The following SLIT3 variants were observed in gnomAD, a reference collection of about 807,000 sequenced individuals.
The protein encoded by SLIT3 is slit guidance ligand 3.
A neutral mutation model predicts 184.0 loss-of-function variants in SLIT3; 68 were observed. The observed-to-expected ratio is 0.37, with a 90% CI of 0.30 to 0.45. SLIT3 has a LOEUF of 0.45. SLIT3 is among the 20% of genes least tolerant of loss of function. The pLI, the probability that SLIT3 is intolerant of heterozygous loss-of-function variation, is 1.00. For missense variants in SLIT3, 1,707 were observed against 2,026.0 expected (o/e 0.84, Z 3.02); for synonymous variants, 831 against 828.6 (o/e 1.00, Z -0.05).
At chr5:168,809,448 C>T (rs921020521) in intron 8 of SLIT3, among the ~76,000 whole-genome samples, 1 of 152,270 alleles carries the variant, frequency 6.6e-6, no homozygotes, top group African/African-American at 2.4e-5. Context: ...ATGGTGAGGA[C>T]GTTACCTTCC....
At chr5:168,806,397 C>T (rs1258862927) in intron 9 of SLIT3, 49 bp downstream of exon 9, 2 of 1,608,910 alleles carry the variant, frequency 1.2e-6, no homozygotes, top group Non-Finnish European at 1.7e-6. Context: ...GGACAGGGAG[C>T]TGAATTCTCC....
chr5:169,137,325 C>CAGAGAG (rs1376695419), intron 4 of SLIT3, among the ~76,000 whole-genome samples: 4 of 100,820 alleles, frequency 4.0e-5, no homozygotes, highest in South Asian at 3.5e-4. Flanking sequence ...CACACACACA[C>CAGAGAG]ACACACACAC....
At chr5:168,732,473 T>C (rs1763315438) in intron 20 of SLIT3, among the ~76,000 whole-genome samples, 1 of 152,092 alleles carries the variant, frequency 6.6e-6, no homozygotes, top group African/African-American at 2.4e-5. Context: ...AAAAAAATCC[T>C]AAAATTCATA....
chr5:168,751,148 A>G (rs1160052178), intron 18 of SLIT3, among the ~76,000 whole-genome samples: 1 of 152,048 alleles, frequency 6.6e-6, no homozygotes, highest in African/African-American at 2.4e-5. Context: ...CCACGGAGCT[A>G]GAATGGAGAG....
intron 4 of SLIT3, among the ~76,000 whole-genome samples, chr5:169,144,877 T>A (rs1266523114): frequency 6.6e-6 from 1 of 152,094 alleles, no homozygotes; most frequent in Non-Finnish European, 1.5e-5. Context: ...AGACGGAAAA[T>A]GTTGCCTGCC....
intron 20 of SLIT3, among the ~76,000 whole-genome samples, chr5:168,747,290 C>T (rs1754510456): frequency 6.6e-6 from 1 of 152,196 alleles, no homozygotes; most frequent in African/African-American, 2.4e-5. Flanking sequence ...GCATTTTTCA[C>T]AGTTGTCACT....
intron 3 of SLIT3, among the ~76,000 whole-genome samples, chr5:169,217,584 C>T (rs1473014923): frequency 1.3e-5 from 2 of 152,160 alleles, no homozygotes; most frequent in Non-Finnish European, 2.9e-5. Context: ...TCCTGGGGGC[C>T]CTTGGTACAA....
intron 4 of SLIT3, among the ~76,000 whole-genome samples, chr5:169,186,876 GA>G (rs1359144745): frequency 1.0e-4 from 13 of 126,916 alleles, no homozygotes; most frequent in African/African-American, 3.3e-4. Context: ...ATGATACCAT[GA>G]TAACAGCGCC....
At chr5:168,761,909 T>TAAA (rs773306404) in intron 15 of SLIT3, among the ~76,000 whole-genome samples, 4 of 127,838 alleles carry the variant, frequency 3.1e-5, no homozygotes, top group African/African-American at 6.1e-5. Context: ...GCCCAGCTAA[T>TAAA]AAAAAAAAAA....
chr5:169,010,764 G>A (rs1021876383), intron 4 of SLIT3, among the ~76,000 whole-genome samples: 22 of 152,154 alleles, frequency 1.4e-4, no homozygotes, highest in African/African-American at 4.1e-4. Context: ...TTAGCCAGGC[G>A]TGGCGGCATA....
At chr5:169,016,860 T>C (rs772821029) in intron 4 of SLIT3, among the ~76,000 whole-genome samples, 31 of 152,328 alleles carry the variant, frequency 2.0e-4, no homozygotes, top group Middle Eastern at 3.4e-3. Flanking sequence ...ATAAATGTTA[T>C]TTTTTGGAGT....
At position 168,692,712 on chromosome 5, in the gene SLIT3, G is replaced by T. The variant is rs199853386; in HGVS notation, c.3083-12C>A. The T allele has an allele frequency of 8.7e-6, 14 of 1,604,448 alleles. No individual in the cohort carries two copies. In the South Asian group the frequency reaches 1.3e-4, roughly 15 times the overall value. On this transcript the variant is annotated splice_polypyrimidine_tract_variant and intron_variant, in intron 28 of 35. Coordinates refer to ENST00000519560, the MANE Select transcript of SLIT3 (RefSeq NM_003062.4). ...GTCGCATAGCTCACCTGGCACAGAT[G>T]GGGGAGATAGCTCAGGCCTCAGGCA...
chr5:168,752,727 T>G (rs1754759246), intron 18 of SLIT3: 2 of 540,700 alleles, frequency 3.7e-6, no homozygotes, highest in Non-Finnish European at 3.3e-6. Context: ...ACTGTGGACA[T>G]GCTTTCTGTG....
At chr5:168,844,441 T>C in intron 6 of SLIT3, 143 bp downstream of exon 6, 4 of 701,918 alleles carry the variant, frequency 5.7e-6, no homozygotes, top group Non-Finnish European at 9.4e-6. Flanking sequence ...TTCCCAATTT[T>C]AATAGCACTG....
intron 4 of SLIT3, among the ~76,000 whole-genome samples, chr5:169,145,138 C>T (rs968533572): frequency 5.3e-5 from 8 of 152,140 alleles, no homozygotes; most frequent in Non-Finnish European, 8.8e-5. Context: ...TTGGAGGCAT[C>T]GTCATTATGG....
At chr5:168,873,063 C>A (rs1561980018) in intron 5 of SLIT3, among the ~76,000 whole-genome samples, 2 of 152,170 alleles carry the variant, frequency 1.3e-5, no homozygotes, top group Non-Finnish European at 2.9e-5. Flanking sequence ...TTTTCCAACA[C>A]TCCCCATGAA....
intron 4 of SLIT3, among the ~76,000 whole-genome samples, chr5:169,165,471 T>C (rs752348800): frequency 1.3e-5 from 2 of 152,254 alleles, no homozygotes; most frequent in Non-Finnish European, 2.9e-5. Flanking sequence ...CTAATATTTA[T>C]TGAGCACATA....
At chr5:168,756,584 C>T (rs1300717767) in intron 16 of SLIT3, among the ~76,000 whole-genome samples, 1 of 152,202 alleles carries the variant, frequency 6.6e-6, no homozygotes, top group African/African-American at 2.4e-5. Context: ...CACTCCCTGC[C>T]TGGTTCTCCT....
At chr5:169,012,224 T>A (rs910483658) in intron 4 of SLIT3, 8 of 152,210 alleles carry the variant, frequency 5.3e-5, no homozygotes, top group African/African-American at 1.9e-4. Flanking sequence ...TGACCTGTGA[T>A]AACTGTGTGT....
Sources: allele counts gnomAD v4.1 joint callset (sites outside exome capture counted in the v4.1 genomes callset), GRCh38; gene constraint gnomAD v4.1.1; transcripts MANE v1.5; gene names NCBI Gene and HGNC (gene_info 2026-07-23, HGNC 2026-07-21).